CHCHD6: variants seen among roughly 807,000 people sequenced by gnomAD.
The protein encoded by CHCHD6 is MICOS complex subunit MIC25.
A neutral mutation model predicts 32.3 loss-of-function variants in CHCHD6; 28 were observed. The ratio of observed to expected loss-of-function variants is 0.87; its 90% CI spans 0.64 to 1.19. The LOEUF (loss-of-function observed/expected upper bound fraction) is 1.19. Ranked by LOEUF, CHCHD6 falls within the 50% of genes most tolerant of loss-of-function variation. CHCHD6 has a pLI of 0.00. For synonymous variants in CHCHD6, 122 were observed against 117.5 expected, an observed-to-expected ratio of 1.04 and a Z score of -0.25; for missense variants, 333 against 307.0, an observed-to-expected ratio of 1.08 and a Z score of -0.63.
chr3:126,851,224 C>G (rs1334086333), intron 4 of CHCHD6, among the ~76,000 whole-genome samples: 2 of 152,200 alleles, frequency 1.3e-5, no homozygotes, highest in East Asian at 1.9e-4. Context: ...GTGGTCAGCT[C>G]TTATTACAGA....
At chr3:126,870,483 A>G (rs772475131) in intron 5 of CHCHD6, among the ~76,000 whole-genome samples, 16 of 152,094 alleles carry the variant, frequency 1.1e-4, no homozygotes, top group Non-Finnish European at 1.8e-4. Context: ...AAGTGATCCA[A>G]TACTTGTCCT....
intron 4 of CHCHD6, among the ~76,000 whole-genome samples, chr3:126,818,809 A>G (rs901374870): frequency 6.6e-6 from 1 of 152,202 alleles, no homozygotes; most frequent in Non-Finnish European, 1.5e-5. Context: ...TCCTCCTGCA[A>G]CAGGCCTCAT....
At chr3:126,865,132 C>T in intron 5 of CHCHD6, among the ~76,000 whole-genome samples, 2 of 119,618 alleles carry the variant, frequency 1.7e-5, no homozygotes, top group Non-Finnish European at 3.8e-5. Flanking sequence ...TCCTCCTCCT[C>T]CTCCACCACC....
chr3:126,849,807 C>T (rs1377988169), intron 4 of CHCHD6, among the ~76,000 whole-genome samples: 1 of 152,206 alleles, frequency 6.6e-6, no homozygotes, highest in African/African-American at 2.4e-5. Flanking sequence ...CCCTGTTGTG[C>T]CCTCAGCCCT....
intron 4 of CHCHD6, among the ~76,000 whole-genome samples, chr3:126,816,773 T>TA (rs1400157124): frequency 1.3e-5 from 2 of 152,156 alleles, no homozygotes; most frequent in Non-Finnish European, 2.9e-5. Flanking sequence ...ACAGGTTTGT[T>TA]ACATATGTAT....
chr3:126,815,597 A>G (rs887053783), intron 4 of CHCHD6, among the ~76,000 whole-genome samples: 1 of 150,052 alleles, frequency 6.7e-6, no homozygotes, highest in African/African-American at 2.5e-5. Flanking sequence ...CTCTTTCCAT[A>G]GCTACTCTTC....
chr3:126,849,787 T>G (rs57604983), intron 4 of CHCHD6, among the ~76,000 whole-genome samples: 361 of 152,338 alleles, frequency 2.4e-3, no homozygotes, highest in African/African-American at 7.9e-3. Context: ...AGAAATTCTC[T>G]CTCTGGCTTC....
At chr3:126,877,278 G>A (rs980667788) in intron 5 of CHCHD6, among the ~76,000 whole-genome samples, 17 of 152,062 alleles carry the variant, frequency 1.1e-4, no homozygotes, top group Admixed American at 4.6e-4. Context: ...GTCAACGGCC[G>A]GGCGTGGTGG....
chr3:126,904,498 G>A (rs557740259), intron 5 of CHCHD6, among the ~76,000 whole-genome samples: 1 of 152,310 alleles, frequency 6.6e-6, no homozygotes, highest in South Asian at 2.1e-4. Context: ...TGCGGCTATT[G>A]CTAATTAACA....
At chr3:126,833,966 A>G (rs1940746336) in intron 4 of CHCHD6, among the ~76,000 whole-genome samples, 1 of 142,404 alleles carries the variant, frequency 7.0e-6, no homozygotes, top group Non-Finnish European at 1.5e-5. Context: ...AGGCAGGAGA[A>G]TGGCGTGAAC....
intron 5 of CHCHD6, among the ~76,000 whole-genome samples, chr3:126,882,103 A>T (rs1292477397): frequency 6.6e-6 from 1 of 152,200 alleles, no homozygotes; most frequent in Non-Finnish European, 1.5e-5. Flanking sequence ...CATCCTTCAT[A>T]GCCCATAGTG....
At chr3:126,902,146 TTCTGTAAGACAACAGCG>T (rs1446723599) in intron 5 of CHCHD6, among the ~76,000 whole-genome samples, 4 of 152,198 alleles carry the variant, frequency 2.6e-5, no homozygotes, top group Non-Finnish European at 1.5e-5. Flanking sequence ...TTGGGGGAGC[TTCTGTAAGACAACAGCG>T]TCTGTAAGAC....
rs1450554792 is a variant in CHCHD6 at position 126,929,597 on chromosome 3, G to A, written c.566+14847G>A. Among the ~76,000 whole-genome samples, 7 of 151,474 alleles carry A rather than the reference G, an allele frequency of 4.6e-5. No homozygotes were observed. In the East Asian group the frequency reaches 9.7e-4, roughly 21 times the overall value. On this transcript the variant is annotated intron_variant, in intron 6 of 7. Transcript: ENST00000290913. ...TCTTTTTTTTTTGAGACAGGGTCTC[G>A]CTCTGTCACCCAGGCTGGAGTGCAG... is the stretch of plus-strand genomic sequence containing the variant.
intron 1 of CHCHD6, 54 bp downstream of exon 1, chr3:126,704,453 GA>G: frequency 8.3e-7 from 1 of 1,197,932 alleles, no homozygotes. Flanking sequence ...GCGCGGGGGG[GA>G]GGTGCGGGGC....
At chr3:126,932,017 A>G (rs2078413745) in intron 6 of CHCHD6, among the ~76,000 whole-genome samples, 4 of 152,204 alleles carry the variant, frequency 2.6e-5, no homozygotes, top group Admixed American at 6.5e-5. Flanking sequence ...TCTTGTCCTC[A>G]GCCAGGCACA....
chr3:126,935,714 T>A (rs530212093), intron 6 of CHCHD6, among the ~76,000 whole-genome samples: 13 of 152,350 alleles, frequency 8.5e-5, no homozygotes, highest in Middle Eastern at 3.4e-3. Context: ...AGATGTACAA[T>A]TTCCACGCAG....
chr3:126,824,583 T>TAAAAAAAAAAAAAAAAAAAAAAA (rs1940307472), intron 4 of CHCHD6, among the ~76,000 whole-genome samples: 3 of 32,036 alleles, frequency 9.4e-5, no homozygotes, highest in East Asian at 1.1e-3. Context: ...AAAAAAAAAG[T>TAAAAAAAAAAAAAAAAAAAAAAA]CAAATGTTGG....
At chr3:126,920,465 G>A (rs1008809485) in intron 6 of CHCHD6, among the ~76,000 whole-genome samples, 1 of 151,924 alleles carries the variant, frequency 6.6e-6, no homozygotes, top group Non-Finnish European at 1.5e-5. Context: ...GCTTTCCAGG[G>A]TCCCTCTTTC....
At chr3:126,891,705 G>A (rs774856290) in intron 5 of CHCHD6, among the ~76,000 whole-genome samples, 1 of 152,138 alleles carries the variant, frequency 6.6e-6, no homozygotes, top group Non-Finnish European at 1.5e-5. Context: ...GTGGGGTTGT[G>A]AGAAGTGCTT....
Sources: allele counts gnomAD v4.1 joint callset (sites outside exome capture counted in the v4.1 genomes callset), GRCh38; gene constraint gnomAD v4.1.1; transcripts MANE v1.5; gene names NCBI Gene and HGNC (gene_info 2026-07-23, HGNC 2026-07-21).